ZC3H12D: variants seen among roughly 807,000 people sequenced by gnomAD.
The protein encoded by ZC3H12D is zinc finger CCCH-type containing 12D.
Under a neutral mutation model 24.2 loss-of-function variants are expected in ZC3H12D, and 11 were observed. The observed-to-expected ratio is 0.46, with a 90% CI of 0.29 to 0.75. ZC3H12D has a LOEUF of 0.75. Among genes scored for constraint, ZC3H12D ranks in the 30% least tolerant of loss-of-function variants. The pLI is 0.11. For missense variants in ZC3H12D, 740 were observed against 767.7 expected (o/e 0.96, Z 0.43); for synonymous variants, 333 against 341.8 (o/e 0.97, Z 0.28).
rs1441015409 is a variant in ZC3H12D, at chr6:149,468,540, T to C, written c.305+5699A>G. ...GCAGGAGGAAAGAGAGGAGCAATGA[T>C]TCCTCAGGGGTCTGAGATGTGAAGG... On this transcript the variant is annotated intron_variant, in intron 2 of 5. Transcript: ENST00000409806. Among the ~76,000 whole-genome samples, 5 of 152,148 alleles carry C rather than the reference T, an allele frequency of 3.3e-5. 1 individual carries two copies. The highest frequency in any genetic ancestry group is 3.3e-4 in the Admixed American group (5 of 15,278).
rs915354845 is a variant in ZC3H12D at position 149,449,950 on chromosome 6, T to C, written c.*733A>G. 1.3e-5 allele frequency: 2 copies of C among 153,482 alleles called. No homozygotes were observed. The highest frequency in any genetic ancestry group is 2.9e-5 in the Non-Finnish European group (2 of 69,250). The allele number at this position is 153,482 out of a possible 1,614,324, so 9.5% of individuals were successfully genotyped here. On this transcript the variant is annotated 3_prime_UTR_variant, in exon 6 of 6. Transcript: ENST00000409806. ...CTGTGTGTGTGTGTGTGTGTGTGTG[T>C]GTGTGTTTGTGTGGTGGGGGTATGT...
In ZC3H12D at chr6:149,451,409, CGCCAGTTG is replaced by C; in HGVS notation, c.850_857del (p.Gln284GlyfsTer107). On this transcript the variant is annotated frameshift_variant, in exon 6 of 6. Transcript: ENST00000409806. LOFTEE classifies it low-confidence loss of function (END_TRUNC). ...TCTTGGCGCGGAGCTCGTCGGCCAC[CGCCAGTTG>C]CGCGTGGTGCGGCCTCTCCGGGTGG... 6.4e-7 allele frequency: 1 copy of C among 1,569,846 alleles called. No individual in the cohort carries two copies. The highest frequency in any genetic ancestry group is 8.6e-7 in the Non-Finnish European group (1 of 1,168,308).
chr6:149,458,123 C>CTTTTTTTTTTTTTTTTTTT (rs1776014908), intron 3 of ZC3H12D, among the ~76,000 whole-genome samples: 1 of 47,166 alleles, frequency 2.1e-5, no homozygotes. Context: ...TTTTTTTTTT[C>CTTTTTTTTTTTTTTTTTTT]GTTTCTTTTT....
At chr6:149,460,349 G>T (rs932138330) in intron 3 of ZC3H12D, among the ~76,000 whole-genome samples, 9 of 129,844 alleles carry the variant, frequency 6.9e-5, no homozygotes, top group Non-Finnish European at 1.0e-4. Flanking sequence ...TCAGATAAGG[G>T]ATACTCAACT....
intron 3 of ZC3H12D, among the ~76,000 whole-genome samples, chr6:149,460,151 A>G (rs1776048742): frequency 6.6e-6 from 1 of 152,252 alleles, no homozygotes; most frequent in Non-Finnish European, 1.5e-5. Flanking sequence ...GATCATAATA[A>G]TAAAGAGCTT....
chr6:149,456,812 G>C lies in ZC3H12D; in HGVS notation c.534C>G (p.Tyr178Ter). 6.2e-7 allele frequency: 1 copy of C among 1,613,004 alleles called. No individual in the cohort carries two copies. Among genetic ancestry groups the C allele is most frequent in the Non-Finnish European group, 8.5e-7 (1 of 1,179,776 alleles). The stretch of plus-strand genomic sequence containing the variant: ...CCACCTTCACGATGTAGCGGTCGTC[G>C]TAGCAGACCAGGCGCTTGCCGTGCA... ...RKVHGKRLVC[Y>*]DDRYIVKVAY... The change falls in exon 4 of 6, where the codon TAC (tyrosine) becomes TAG (stop). Residue 178 changes from tyrosine (Y) to a stop codon, truncating the protein, a stop_gained. Transcript: ENST00000409806. LOFTEE classifies it high-confidence loss of function. The surrounding 1 kb of genome is among the most constrained non-coding windows in gnomAD (Gnocchi z 4.3).
intron 2 of ZC3H12D, among the ~76,000 whole-genome samples, chr6:149,462,646 A>G (rs918755260): frequency 1.3e-5 from 2 of 152,078 alleles, no homozygotes; most frequent in Non-Finnish European, 2.9e-5. Flanking sequence ...GGAGAGGCCA[A>G]CCCTCCCTCA....
chr6:149,477,731 C>T (rs909374208), intron 1 of ZC3H12D, among the ~76,000 whole-genome samples: 1 of 152,158 alleles, frequency 6.6e-6, no homozygotes, highest in Non-Finnish European at 1.5e-5. Flanking sequence ...GAGATAAACA[C>T]TGTGCTTGCT....
At chr6:149,469,123 C>A (rs576142305) in intron 2 of ZC3H12D, among the ~76,000 whole-genome samples, 2 of 152,278 alleles carry the variant, frequency 1.3e-5, no homozygotes, top group Admixed American at 1.3e-4. Flanking sequence ...GAATGTAAAA[C>A]AGGCTGGGCA....
chr6:149,454,298 T>A (rs2115001877), intron 4 of ZC3H12D, among the ~76,000 whole-genome samples: 1 of 152,334 alleles, frequency 6.6e-6, no homozygotes, highest in East Asian at 1.9e-4. Context: ...ATACTTTTGT[T>A]CCCAAGGCCA....
At position 149,450,952 on chromosome 6, in the gene ZC3H12D, G is replaced by T. The variant is rs770724295; in HGVS notation, c.1315C>A (p.Arg439Ser). ...GGGAAGCGGTCGGAGCGGGGTGGACGGGCCCACGGGTCGTCGGGTGGCCTG... is the reference window on the plus strand; with the variant it reads ...GGGAAGCGGTCGGAGCGGGGTGGACTGGCCCACGGGTCGTCGGGTGGCCTG... Reference protein sequence around the residue: ...PRRPPDDPWARPPRSDRFPGR... With the variant: ...PRRPPDDPWASPPRSDRFPGR... Residue 439 changes from arginine to serine, a missense_variant, in exon 6 of 6, where the codon CGT becomes AGT. By Grantham distance (110) the Arg-to-Ser change is moderately radical. Transcript: ENST00000409806. The T allele has an allele frequency of 2.6e-6, 4 of 1,531,140 alleles. No homozygotes were observed. The highest frequency in any genetic ancestry group is 1.8e-4 in the Middle Eastern group (1 of 5,590). 94.8% of individuals were successfully genotyped at this position (1,531,140 alleles called of 1,614,324 possible).
At chr6:149,469,504 G>C (rs1320928763) in intron 2 of ZC3H12D, among the ~76,000 whole-genome samples, 1 of 151,988 alleles carries the variant, frequency 6.6e-6, no homozygotes, top group Non-Finnish European at 1.5e-5. Context: ...GAGAATTCAT[G>C]CTCTTCCCAC....
intron 2 of ZC3H12D, among the ~76,000 whole-genome samples, chr6:149,473,958 G>A (rs140728372): frequency 6.6e-6 from 1 of 152,206 alleles, no homozygotes; most frequent in African/African-American, 2.4e-5. Flanking sequence ...AGCTACACTT[G>A]TTGATCACTT....
At chr6:149,471,940 C>A (rs1776250801) in intron 2 of ZC3H12D, among the ~76,000 whole-genome samples, 1 of 152,242 alleles carries the variant, frequency 6.6e-6, no homozygotes, top group South Asian at 2.1e-4. Context: ...CAGAAAATGG[C>A]AATGTCTGCA....
In ZC3H12D at chr6:149,451,004, G is replaced by T. The variant is rs1775882451; in HGVS notation, c.1263C>A (p.Asp421Glu). Reference protein sequence around the residue: ...LQPRGEHRPRDLHGDLLSPRR... With the variant: ...LQPRGEHRPRELHGDLLSPRR... ...GCGGGGAAAGCAAGTCGCCGTGCAG[G>T]TCCCTAGGGCGGTGTTCGCCCCGCG... Residue 421 changes from aspartate to glutamate, a missense_variant, in exon 6 of 6, where the codon GAC becomes GAA. Transcript: ENST00000409806. The T allele has an allele frequency of 1.3e-6, 2 of 1,506,520 alleles. No individual in the cohort carries two copies. Among genetic ancestry groups the T allele is most frequent in the African/African-American group, 2.8e-5 (2 of 71,450 alleles). 93.3% of individuals were successfully genotyped at this position (1,506,520 alleles called of 1,614,324 possible). A position where few individuals can be genotyped will look rare whatever the true frequency, so the allele number is the denominator to read the frequency against.
intron 2 of ZC3H12D, among the ~76,000 whole-genome samples, chr6:149,462,971 A>T (rs1776098650): frequency 6.6e-6 from 1 of 152,088 alleles, no homozygotes; most frequent in African/African-American, 2.4e-5. Flanking sequence ...ATGGGACTTC[A>T]CCTTGTGATC....
chr6:149,475,050 A>T (rs1447173440), intron 1 of ZC3H12D, among the ~76,000 whole-genome samples: 1 of 152,164 alleles, frequency 6.6e-6, no homozygotes, highest in Non-Finnish European at 1.5e-5. Flanking sequence ...ATCCAATATG[A>T]CTGGTGTCCT....
In ZC3H12D at chr6:149,450,879, C is replaced by A; in HGVS notation, c.1388G>T (p.Gly463Val). 1.3e-6 allele frequency: 2 copies of A among 1,541,778 alleles called. No individual in the cohort carries two copies. Among genetic ancestry groups the A allele is most frequent in the Non-Finnish European group, 1.7e-6 (2 of 1,146,584 alleles). Residue 463 changes from glycine (G) to valine (V), a missense_variant, in exon 6 of 6, where the codon GGG (glycine) becomes GTG (valine). Transcript: ENST00000409806. ...AEPAWGDGAT[G>V]GLSVYATEDD... ...CTCGGTCGCGTACACTGAAAGTCCC[C>A]CAGTGGCGCCGTCGCCCCAGGCCGG...
chr6:149,451,973 G>C (rs1051753676), intron 5 of ZC3H12D: 1 of 153,822 alleles, frequency 6.5e-6, no homozygotes. Flanking sequence ...CCTGCACGCT[G>C]TTCTAACAGA....
Sources: allele counts gnomAD v4.1 joint callset (sites outside exome capture counted in the v4.1 genomes callset), GRCh38; gene constraint gnomAD v4.1.1; non-coding constraint Gnocchi (gnomAD v3.1); transcripts MANE v1.5; gene names NCBI Gene and HGNC (gene_info 2026-07-23, HGNC 2026-07-21).